ERCC6L2: variants seen among roughly 807,000 people sequenced by gnomAD.
ERCC6L2 encodes the protein ERCC excision repair 6 like 2, also known as DNA excision repair protein ERCC-6-like 2.
In ERCC6L2, 77 loss-of-function variants were observed where a neutral mutation model predicts 132.0. The observed-to-expected ratio is 0.58, with a 90% CI of 0.49 to 0.71. ERCC6L2 has a LOEUF of 0.71. Among genes scored for constraint, ERCC6L2 ranks in the 30% least tolerant of loss-of-function variants. The pLI, the probability that ERCC6L2 is intolerant of heterozygous loss-of-function variation, is 0.00. For synonymous variants in ERCC6L2, 583 were observed against 632.4 expected (o/e 0.92, Z 1.17); for missense variants, 1,542 against 1,837.6 (o/e 0.84, Z 2.94).
At chr9:95,938,577 C>T (rs1391414845) in intron 11 of ERCC6L2, among the ~76,000 whole-genome samples, 1 of 152,024 alleles carries the variant, frequency 6.6e-6, no homozygotes, top group Non-Finnish European at 1.5e-5. Flanking sequence ...TGCATTGTCC[C>T]TCTTTTAACT....
intron 19 of ERCC6L2, among the ~76,000 whole-genome samples, chr9:96,024,420 G>A (rs958390412): frequency 6.6e-6 from 1 of 152,242 alleles, no homozygotes. Flanking sequence ...ATGGGACGTG[G>A]TGGCCCACGG....
In ERCC6L2 at chr9:95,881,266, T is replaced by TGACATG; in HGVS notation, c.446_451dup (p.Asp149_Met150dup). 6.4e-7 allele frequency: 1 copy of TGACATG among 1,573,276 alleles called. No individual in the cohort carries two copies. The highest frequency in any genetic ancestry group is 8.6e-7 in the Non-Finnish European group (1 of 1,166,884). ...ATGGAGGAGGGTGCATTCTGGGTGA[T>TGACATG]GACATGGGACTTGGAAAAACAGTAC... is the stretch of plus-strand genomic sequence containing the variant. On this transcript the variant is annotated inframe_insertion, in exon 2 of 19. Transcript: ENST00000653738.
intron 13 of ERCC6L2, among the ~76,000 whole-genome samples, chr9:95,958,325 T>C (rs1357037224): frequency 1.3e-5 from 2 of 151,932 alleles, no homozygotes; most frequent in Non-Finnish European, 2.9e-5. Flanking sequence ...ATAGTGTGCA[T>C]GTGTCTTTAT....
chr9:95,980,991 T>G (rs534741490), intron 17 of ERCC6L2, among the ~76,000 whole-genome samples: 56 of 152,158 alleles, frequency 3.7e-4, no homozygotes, highest in South Asian at 6.2e-4. Flanking sequence ...TTACTTGTGT[T>G]TGGAAAGATT....
chr9:96,004,125 A>G (rs1292531220), intron 17 of ERCC6L2, among the ~76,000 whole-genome samples: 1 of 152,240 alleles, frequency 6.6e-6, no homozygotes, highest in East Asian at 1.9e-4. Context: ...CATTAATGAA[A>G]TTAGACAACT....
chr9:95,959,065 G>A (rs1415578382), intron 13 of ERCC6L2, among the ~76,000 whole-genome samples: 6 of 152,056 alleles, frequency 3.9e-5, no homozygotes, highest in African/African-American at 1.2e-4. Context: ...AGCCTGCATC[G>A]CCAAGTCTCA....
intron 6 of ERCC6L2, among the ~76,000 whole-genome samples, chr9:95,920,432 A>G (rs1033088885): frequency 2.0e-5 from 3 of 152,172 alleles, no homozygotes; most frequent in Non-Finnish European, 2.9e-5. Context: ...TATAATAGAT[A>G]CACAAAGTAG....
rs760649098 is a variant in ERCC6L2, at chr9:95,978,155, C to T, written c.3432C>T (p.Asp1144=). ...ACATGAGCCGATGGGCAGCACATGA[C>T]GTATTTGAGTTGAAGCAGTTTTCTC... ...ENHMSRWAAH[D]VFELKQFSQL... is the part of the protein sequence containing the mutation. Residue 1144 remains aspartate, a synonymous_variant, in exon 17 of 19, where the codon GAC becomes GAT. Transcript: ENST00000653738. 56 of 1,367,150 alleles carry T rather than the reference C, an allele frequency of 4.1e-5. No homozygotes were observed. Among genetic ancestry groups the T allele is most frequent in the South Asian group, 1.2e-4 (11 of 88,006 alleles). The allele number at this position is 1,367,150 out of a possible 1,614,324, so 84.7% of individuals were successfully genotyped here.
At chr9:95,943,020 T>G (rs1830877148) in intron 12 of ERCC6L2, among the ~76,000 whole-genome samples, 1 of 152,106 alleles carries the variant, frequency 6.6e-6, no homozygotes, top group Admixed American at 6.6e-5. Flanking sequence ...CATTATAGGA[T>G]TCTAGAATGA....
intron 9 of ERCC6L2, 23 bp downstream of exon 9, chr9:95,923,402 G>A: frequency 1.2e-6 from 2 of 1,611,350 alleles, no homozygotes; most frequent in South Asian, 1.1e-5. Context: ...CTTTCAGGTT[G>A]CATACAGACA....
At chr9:95,932,022 C>G (rs1032925878) in intron 11 of ERCC6L2, among the ~76,000 whole-genome samples, 2 of 150,632 alleles carry the variant, frequency 1.3e-5, no homozygotes, top group African/African-American at 2.4e-5. Flanking sequence ...TCTTTTTGCT[C>G]TGTTCTGAGA....
intron 13 of ERCC6L2, among the ~76,000 whole-genome samples, chr9:95,958,238 G>T (rs10819663): frequency 6.6e-6 from 1 of 151,798 alleles, no homozygotes; most frequent in Non-Finnish European, 1.5e-5. Flanking sequence ...ATTCCATGGT[G>T]TATATGTGCC....
rs1308498139 is a variant in ERCC6L2, at chr9:95,907,141, G to T, written c.658G>T (p.Gly220Ter). The T allele has an allele frequency of 6.2e-7, 1 of 1,613,136 alleles. No homozygotes were observed. Among genetic ancestry groups the T allele is most frequent in the East Asian group, 2.2e-5 (1 of 44,790 alleles). ...YNWKDELDTW[G>*]YFRVTVLHGN... is the part of the protein sequence containing the mutation. The stretch of plus-strand genomic sequence containing the variant: ...CTGGAAGGATGAATTGGACACCTGG[G>T]GATATTTCAGAGTCACTGTTTTACA... Residue 220 changes from glycine to a stop codon, truncating the protein, a stop_gained, in exon 4 of 19, where the codon GGA becomes TGA. Transcript: ENST00000653738. LOFTEE classifies it high-confidence loss of function.
intron 18 of ERCC6L2, among the ~76,000 whole-genome samples, chr9:96,011,429 G>A (rs1230702082): frequency 3.3e-5 from 5 of 151,994 alleles, no homozygotes; most frequent in Non-Finnish European, 7.4e-5. Context: ...GGGTTAGGGG[G>A]CTTCTGCATG....
chr9:96,004,253 C>A (rs1299951231), intron 17 of ERCC6L2, among the ~76,000 whole-genome samples: 1 of 152,120 alleles, frequency 6.6e-6, no homozygotes, highest in East Asian at 1.9e-4. Context: ...TAGGTATCAA[C>A]GTATGTATCA....
chr9:96,000,117 G>A (rs1291637848), intron 17 of ERCC6L2, among the ~76,000 whole-genome samples: 1 of 152,078 alleles, frequency 6.6e-6, no homozygotes, highest in Non-Finnish European at 1.5e-5. Flanking sequence ...TCGATCTCCT[G>A]ACCTCGTGAT....
chr9:95,989,447 A>G (rs569237955), intron 17 of ERCC6L2, among the ~76,000 whole-genome samples: 9 of 152,354 alleles, frequency 5.9e-5, no homozygotes, highest in Middle Eastern at 3.4e-3. Context: ...AGCTGGGACA[A>G]AGACCAAATA....
rs1432329121 is a variant in ERCC6L2, at chr9:96,017,965, G to A, written c.*4762G>A. Reference sequence around the variant, plus strand: ...CATAGATGAATCTTGAGGACGGTATGCAAAGTGAAATAAATCAGACACAGA... The same window carrying A: ...CATAGATGAATCTTGAGGACGGTATACAAAGTGAAATAAATCAGACACAGA... On this transcript the variant is annotated 3_prime_UTR_variant, in exon 19 of 19. Coordinates refer to ENST00000653738, the MANE Select transcript of ERCC6L2 (RefSeq NM_020207.7). Among the ~76,000 whole-genome samples the A allele has an allele frequency of 6.6e-6, 1 of 152,182 alleles. No homozygotes were observed.
In ERCC6L2 at chr9:95,876,073, C is replaced by G; in HGVS notation, c.35C>G (p.Thr12Ser). Residue 12 changes from threonine to serine, a missense_variant, in exon 1 of 19, where the codon ACC (threonine) becomes AGC (serine). This residue lies in a region of ERCC6L2 where 153 missense variants were observed against 132.3 expected (regional missense o/e 1.16). Coordinates refer to ENST00000653738, the MANE Select transcript of ERCC6L2 (RefSeq NM_020207.7). ...DPSAPQPRAE[T>S]SGKDIWHPGE... ...TCGGCGCCACAGCCCCGCGCGGAAA[C>G]CTCAGGCAAAGGTACCAGCTCCGCG... is the stretch of plus-strand genomic sequence containing the variant. 1 of 1,581,418 alleles carries G rather than the reference C, an allele frequency of 6.3e-7. No homozygotes were observed. Among genetic ancestry groups the G allele is most frequent in the South Asian group, 1.2e-5 (1 of 86,500 alleles).
Sources: gnomAD v4.1 joint callset for allele counts (sites outside exome capture counted in the v4.1 genomes callset) on GRCh38, gnomAD v4.1.1 for gene constraint, gnomAD v4.1.1 regional missense constraint, MANE v1.5 for transcripts, NCBI Gene and HGNC (gene_info 2026-07-23, HGNC 2026-07-21) for gene names.